The following LAMA4 variants were observed in gnomAD, a reference collection of about 807,000 sequenced individuals.
LAMA4 encodes laminin subunit alpha 4, also known as laminin subunit alpha-4.
Under a neutral mutation model 207.1 loss-of-function variants are expected in LAMA4, and 127 were observed. That is an observed-to-expected ratio of 0.61 (90% CI 0.53 to 0.71). The LOEUF (loss-of-function observed/expected upper bound fraction) is 0.71. LAMA4 is among the 30% of genes least tolerant of loss of function. LAMA4 has a pLI of 0.00. For missense variants in LAMA4, 2,093 were observed against 2,246.5 expected (o/e 0.93, Z 1.38); for synonymous variants, 761 against 816.0 (o/e 0.93, Z 1.15).
Position 112,191,714 on chromosome 6 carries a change from G to A in LAMA4, c.640C>T (p.Arg214Cys), listed in dbSNP as rs148801194. ...TCACACTTGAATCCGGTGGTGTTGCGTAAGCAATTCCTACACTGGCCAGTG... is the reference window on the plus strand; with the variant it reads ...TCACACTTGAATCCGGTGGTGTTGCATAAGCAATTCCTACACTGGCCAGTG... Reference protein sequence around the residue: ...EVTGQCRNCLRNTTGFKCERC... With the variant: ...EVTGQCRNCLCNTTGFKCERC... Residue 214 changes from arginine (R) to cysteine (C), a missense_variant, in exon 6 of 39, where the codon CGC (arginine) becomes TGC (cysteine). Arg to Cys is a radical substitution (Grantham distance 180, BLOSUM62 -3). Coordinates refer to ENST00000230538, the MANE Select transcript of LAMA4 (RefSeq NM_001105206.3). The A allele has an allele frequency of 1.8e-5, 29 of 1,614,070 alleles. No homozygotes were observed. The highest frequency in any genetic ancestry group is 1.7e-4 in the Middle Eastern group (1 of 6,060).
chr6:112,229,156 T>C (rs1279822983), intron 2 of LAMA4, among the ~76,000 whole-genome samples: 1 of 152,220 alleles, frequency 6.6e-6, no homozygotes, highest in Admixed American at 6.5e-5. Context: ...AGAAAATTAT[T>C]AAATACGACA....
At chr6:112,174,435 A>G (rs1318657950) in intron 11 of LAMA4, among the ~76,000 whole-genome samples, 3 of 152,186 alleles carry the variant, frequency 2.0e-5, no homozygotes, top group African/African-American at 4.8e-5. Flanking sequence ...TGAATTGCCA[A>G]CCCATGAAAG....
At chr6:112,155,330 T>TA in intron 15 of LAMA4, 2 of 580,288 alleles carry the variant, frequency 3.4e-6, no homozygotes, top group Middle Eastern at 4.6e-4. Flanking sequence ...GGACTTTGGC[T>TA]AAAAAAATAA....
intron 2 of LAMA4, among the ~76,000 whole-genome samples, chr6:112,235,232 G>A (rs1252815341): frequency 6.6e-6 from 1 of 152,184 alleles, no homozygotes; most frequent in African/African-American, 2.4e-5. Flanking sequence ...CTCAGCAGAT[G>A]CTGTTCATAG....
At chr6:112,217,003 G>A (rs1784665743) in intron 2 of LAMA4, among the ~76,000 whole-genome samples, 3 of 152,166 alleles carry the variant, frequency 2.0e-5, no homozygotes, top group South Asian at 2.1e-4. Flanking sequence ...ATGTTAAAGG[G>A]AGGGATAAGG....
intron 36 of LAMA4, 76 bp from the exon 37 acceptor site, chr6:112,114,832 C>T (rs1390354960): frequency 1.4e-5 from 14 of 1,022,538 alleles, no homozygotes; most frequent in Non-Finnish European, 2.2e-5. Context: ...AATAATTTAC[C>T]ACAGTGAAGC....
At chr6:112,205,928 G>A (rs1784031914) in intron 4 of LAMA4, among the ~76,000 whole-genome samples, 2 of 152,184 alleles carry the variant, frequency 1.3e-5, no homozygotes, top group South Asian at 2.1e-4. Context: ...GGCTTGGGGG[G>A]CTTCCGGTTG....
chr6:112,174,122 G>T (rs1268096437), intron 11 of LAMA4, among the ~76,000 whole-genome samples: 1 of 152,178 alleles, frequency 6.6e-6, no homozygotes, highest in Non-Finnish European at 1.5e-5. Flanking sequence ...TAAACCAATT[G>T]TTTGCAGCTC....
At chr6:112,148,121 T>G (rs1326275419) in intron 18 of LAMA4, 36 bp downstream of exon 18, 1 of 1,591,166 alleles carries the variant, frequency 6.3e-7, no homozygotes, top group Admixed American at 1.7e-5. Context: ...GCCAATTCCT[T>G]AATTAGATTC....
chr6:112,177,556 G>C (rs1331440209), intron 10 of LAMA4, among the ~76,000 whole-genome samples: 1 of 152,200 alleles, frequency 6.6e-6, no homozygotes, highest in African/African-American at 2.4e-5. Context: ...TATTGCAAGT[G>C]AGAGCACAAA....
chr6:112,148,011 G>T, intron 18 of LAMA4, 146 bp downstream of exon 18: 1 of 720,968 alleles, frequency 1.4e-6, no homozygotes, highest in Non-Finnish European at 2.4e-6. Context: ...GATGAACAGT[G>T]CAAAAGCTTT....
At chr6:112,174,961 G>T (rs1554343129) in intron 11 of LAMA4, among the ~76,000 whole-genome samples, 1 of 152,184 alleles carries the variant, frequency 6.6e-6, no homozygotes, top group African/African-American at 2.4e-5. Context: ...AATGTTTCTG[G>T]CCTTGTAGCA....
chr6:112,208,007 G>T (rs1784161431), intron 3 of LAMA4, among the ~76,000 whole-genome samples: 1 of 152,154 alleles, frequency 6.6e-6, no homozygotes, highest in South Asian at 2.1e-4. Context: ...CTGTCAAACT[G>T]ATGGATTAAT....
chr6:112,244,393 C>T (rs571424475), intron 2 of LAMA4, among the ~76,000 whole-genome samples: 1 of 152,296 alleles, frequency 6.6e-6, no homozygotes, highest in African/African-American at 2.4e-5. Flanking sequence ...CTGAGACTTC[C>T]CCATCCCTTT....
intron 8 of LAMA4, 48 bp from the exon 9 acceptor site, chr6:112,185,395 T>TA (rs782028712): frequency 9.5e-7 from 1 of 1,054,194 alleles, no homozygotes; most frequent in Non-Finnish European, 1.5e-6. Flanking sequence ...CACCAGGTTT[T>TA]AAAAAATGTA....
intron 13 of LAMA4, chr6:112,159,490 G>A (rs9487832): frequency 0.03 from 4,653 of 154,842 alleles, 217 homozygotes; most frequent in African/African-American, 0.096. Context: ...CTTAAAGATC[G>A]TGCAACTGTG....
intron 2 of LAMA4, among the ~76,000 whole-genome samples, chr6:112,243,914 T>G (rs1786715511): frequency 6.6e-6 from 1 of 152,000 alleles, no homozygotes; most frequent in African/African-American, 2.4e-5. Context: ...AAAAATTAGC[T>G]GGGCATGGTG....
Position 112,140,678 on chromosome 6 carries a change from C to T in LAMA4, c.2976+82G>A, listed in dbSNP as rs542360235. ...AGCTCTTAAAGTGATATCAGCAACCCCCAAGTCATTATAGGTTTATGGATT... is the reference window on the plus strand; with the variant it reads ...AGCTCTTAAAGTGATATCAGCAACCTCCAAGTCATTATAGGTTTATGGATT... On this transcript the variant is annotated intron_variant, in intron 22 of 38. Coordinates refer to ENST00000230538, the MANE Select transcript of LAMA4 (RefSeq NM_001105206.3). 1.3e-4 allele frequency: 171 copies of T among 1,339,254 alleles called. No individual in the cohort carries two copies. In the African/African-American group the frequency reaches 2.2e-3, roughly 17 times the overall value. 83.0% of individuals were successfully genotyped at this position (1,339,254 alleles called of 1,614,324 possible). A position where few individuals can be genotyped will look rare whatever the true frequency, so the allele number is the denominator to read the frequency against.
chr6:112,246,602 C>A (rs749492792), intron 2 of LAMA4, among the ~76,000 whole-genome samples: 6 of 151,538 alleles, frequency 4.0e-5, no homozygotes, highest in Non-Finnish European at 5.9e-5. Flanking sequence ...CTCACTGCAA[C>A]CTCCGCCTCC....
Sources: gnomAD v4.1 joint callset for allele counts (sites outside exome capture counted in the v4.1 genomes callset) on GRCh38, gnomAD v4.1.1 for gene constraint, MANE v1.5 for transcripts, NCBI Gene and HGNC (gene_info 2026-07-23, HGNC 2026-07-21) for gene names.